Variants in PCTP observed in about 807,000 individuals in gnomAD.
The protein encoded by PCTP is phosphatidylcholine transfer protein.
PCTP carries 27 observed loss-of-function variants against 31.0 expected under a neutral mutation model. That is an observed-to-expected ratio of 0.87 (90% CI 0.64 to 1.20). PCTP has a LOEUF of 1.20. PCTP is among the 50% of genes most tolerant of loss of function. PCTP has a pLI of 0.00. For synonymous variants in PCTP, 108 were observed against 101.2 expected (o/e 1.07, Z -0.40); for missense variants, 287 against 268.2 (o/e 1.07, Z -0.49).
intron 1 of PCTP, among the ~76,000 whole-genome samples, chr17:55,758,388 G>A (rs1910159329): frequency 6.6e-6 from 1 of 152,102 alleles, no homozygotes; most frequent in Non-Finnish European, 1.5e-5. Context: ...TGGGCAGGCT[G>A]GGCTGAGAGA....
At chr17:55,825,069 A>G (rs994935912), downstream of PCTP, among the ~76,000 whole-genome samples, 9 of 152,134 alleles carry the variant, frequency 5.9e-5, no homozygotes, top group Admixed American at 4.6e-4. Context: ...AGGTGCACAA[A>G]TTTTTTTAAT....
rs186273614 is a variant in PCTP, at chr17:55,833,785, C to T, written n.506-8942C>T. Among the ~76,000 whole-genome samples the T allele has an allele frequency of 3.3e-5, 5 of 152,256 alleles. No homozygotes were observed. In the East Asian group the frequency reaches 5.8e-4, roughly 18 times the overall value. The stretch of plus-strand genomic sequence containing the variant: ...AAGCAATTGGAATATTCTCATCCCC[C>T]GCTGAAAGACCTTGCCTCCTGCCTT... On this transcript the variant is annotated intron_variant and non_coding_transcript_variant, in intron 5 of 5. Coordinates refer to the PCTP transcript ENST00000576221.
At chr17:55,770,077 G>A (rs1910898636) in intron 2 of PCTP, 1 of 152,174 alleles carries the variant, frequency 6.6e-6, no homozygotes, top group Non-Finnish European at 1.5e-5. Flanking sequence ...CCTTTAACTG[G>A]AGGTAGAAAG....
intron 2 of PCTP, among the ~76,000 whole-genome samples, chr17:55,787,363 A>G (rs1167611180): frequency 1.3e-5 from 2 of 151,206 alleles, no homozygotes; most frequent in African/African-American, 2.4e-5. Context: ...ATATATATAT[A>G]TATTTTTTGA....
intron 4 of PCTP, 78 bp from the exon 5 acceptor site, chr17:55,774,714 T>G: frequency 8.4e-7 from 1 of 1,193,296 alleles, no homozygotes; most frequent in Non-Finnish European, 1.3e-6. Context: ...TATGAAGATA[T>G]AAAGTTTGCA....
chr17:55,819,634 T>C (rs9912189), intron 3 of PCTP, among the ~76,000 whole-genome samples: 28,421 of 151,944 alleles, frequency 0.19, 2,854 homozygotes, highest in African/African-American at 0.27. Context: ...GTGCATCTGT[T>C]GTCCTGGCTA....
Position 55,773,912 on chromosome 17 carries a change from C to G in PCTP, c.511+17C>G. 4 of 1,579,134 alleles carry G rather than the reference C, an allele frequency of 2.5e-6. No individual in the cohort carries two copies. The highest frequency in any genetic ancestry group is 3.5e-6 in the Non-Finnish European group (4 of 1,159,188). ...GGAGCAAAGGTAAAACCCATGGTGC[C>G]TGTCAGTGCACCCAGCCAGGGGTCC... On this transcript the variant is annotated intron_variant, in intron 4 of 5. Transcript: ENST00000268896.
At chr17:55,835,324 T>G (rs1326244229) in intron 5 of PCTP, among the ~76,000 whole-genome samples, 1 of 152,192 alleles carries the variant, frequency 6.6e-6, no homozygotes, top group African/African-American at 2.4e-5. Flanking sequence ...GTTGAACTGC[T>G]ACCTGTCCCA....
intron 3 of PCTP, among the ~76,000 whole-genome samples, chr17:55,805,886 ATGTGTG>A (rs58345619): frequency 2.1e-4 from 30 of 142,854 alleles, no homozygotes; most frequent in African/African-American, 6.9e-4. Context: ...CTCAATCTGT[ATGTGTG>A]TGTGTGTGTG....
chr17:55,775,167 G>C (rs1911259676), intron 5 of PCTP: 1 of 1,194,516 alleles, frequency 8.4e-7, no homozygotes. Context: ...AGGAACAATA[G>C]TGCCTTTGGA....
rs535132665 is a variant in PCTP at position 55,765,528 on chromosome 17, C to T, written c.142-1807C>T. Among the ~76,000 whole-genome samples, 21 of 152,314 alleles carry T rather than the reference C, an allele frequency of 1.4e-4. 1 individual carries two copies. The South Asian group carries it at 3.7e-3, about 27-fold the overall frequency. On this transcript the variant is annotated intron_variant, in intron 1 of 5. Coordinates refer to ENST00000268896, the MANE Select transcript of PCTP (RefSeq NM_021213.4). The stretch of plus-strand genomic sequence containing the variant: ...ATATATCCTTAAATCACTGACTCCT[C>T]GCCATCACTGTTGTTACTTCCCTGT...
At chr17:55,817,355 T>A (rs991375750) in intron 3 of PCTP, among the ~76,000 whole-genome samples, 2 of 152,134 alleles carry the variant, frequency 1.3e-5, no homozygotes, top group African/African-American at 4.8e-5. Flanking sequence ...TGCCACAGAG[T>A]CCAGAAAGTT....
At chr17:55,821,787 A>C (rs1913124830) in intron 3 of PCTP, among the ~76,000 whole-genome samples, 2 of 152,202 alleles carry the variant, frequency 1.3e-5, no homozygotes, top group South Asian at 4.1e-4. Flanking sequence ...AGGGTCTTAC[A>C]AAATGCCATT....
At chr17:55,850,842 T>A in the PCTP span, among the ~76,000 whole-genome samples, 1 of 152,214 alleles carries the variant, frequency 6.6e-6, no homozygotes, top group Non-Finnish European at 1.5e-5. Flanking sequence ...TTTTTCTCCG[T>A]ATGAAATTCA....
chr17:55,753,984 G>GA (rs1401956090), intron 1 of PCTP, among the ~76,000 whole-genome samples: 2 of 152,192 alleles, frequency 1.3e-5, no homozygotes, highest in African/African-American at 4.8e-5. Flanking sequence ...CTGTGTTGGA[G>GA]AAAAAACTCA....
chr17:55,830,335 C>T (rs1905554472), intron 5 of PCTP, among the ~76,000 whole-genome samples: 1 of 152,122 alleles, frequency 6.6e-6, no homozygotes, highest in Non-Finnish European at 1.5e-5. Context: ...TTTCTGTTTA[C>T]CTCTGACAAT....
chr17:55,812,080 G>A (rs1598012065), intron 3 of PCTP, among the ~76,000 whole-genome samples: 1 of 152,186 alleles, frequency 6.6e-6, no homozygotes, highest in East Asian at 1.9e-4. Context: ...AGATGTGAAA[G>A]TAACTTGCCA....
At chr17:55,791,831 A>G (rs867335087) in intron 3 of PCTP, among the ~76,000 whole-genome samples, 1 of 152,038 alleles carries the variant, frequency 6.6e-6, no homozygotes, top group African/African-American at 2.4e-5. Context: ...ACTATAAATC[A>G]TGCTGCTATA....
At chr17:55,824,244 T>C (rs146407125), downstream of PCTP, among the ~76,000 whole-genome samples, 381 of 152,092 alleles carry the variant, frequency 2.5e-3, 2 homozygotes, top group African/African-American at 8.9e-3. Context: ...TACAAAGACC[T>C]CCGAGAGTGT....
Sources: allele counts gnomAD v4.1 joint callset (sites outside exome capture counted in the v4.1 genomes callset), GRCh38; gene constraint gnomAD v4.1.1; transcripts MANE v1.5; gene names NCBI Gene and HGNC (gene_info 2026-07-23, HGNC 2026-07-21).